CSMD1: variants seen among roughly 807,000 people sequenced by gnomAD.
The protein encoded by CSMD1 is CUB and sushi domain-containing protein 1.
A neutral mutation model predicts 417.5 loss-of-function variants in CSMD1; 213 were observed. The observed-to-expected ratio is 0.51, with a 90% confidence interval of 0.46 to 0.57. The LOEUF (loss-of-function observed/expected upper bound fraction) is 0.57. CSMD1 is among the 20% of genes least tolerant of loss of function. The pLI is 0.00. For synonymous variants in CSMD1, 2,862 were observed against 1,736.8 expected, an observed-to-expected ratio of 1.65 and a Z score of -16.11; for missense variants, 6,923 against 4,529.7, an observed-to-expected ratio of 1.53 and a Z score of -15.17.
At chr8:4,862,202 G>A (rs768047920) in intron 1 of CSMD1, among the ~76,000 whole-genome samples, 7 of 151,994 alleles carry the variant, frequency 4.6e-5, no homozygotes, top group African/African-American at 1.2e-4. Context: ...ACCTCAACGA[G>A]GCCTGGGGGG....
intron 1 of CSMD1, among the ~76,000 whole-genome samples, chr8:4,838,693 T>G (rs1238781653): frequency 1.3e-5 from 2 of 152,196 alleles, no homozygotes; most frequent in South Asian, 2.1e-4. Context: ...AGACCTTTAT[T>G]TGCAGAGGAC....
At chr8:3,814,258 C>A (rs937921954) in intron 5 of CSMD1, among the ~76,000 whole-genome samples, 1 of 152,172 alleles carries the variant, frequency 6.6e-6, no homozygotes, top group African/African-American at 2.4e-5. Context: ...CTTGCTTATA[C>A]TTAGTTCTGA....
intron 1 of CSMD1, among the ~76,000 whole-genome samples, chr8:4,904,166 T>G (rs1382264428): frequency 1.3e-5 from 2 of 152,172 alleles, no homozygotes; most frequent in African/African-American, 4.8e-5. Flanking sequence ...GTGTTCTACC[T>G]TCTTCAAATC....
intron 26 of CSMD1, among the ~76,000 whole-genome samples, chr8:3,237,028 ACCTGCGCTGC>A (rs1457444876): frequency 6.6e-6 from 1 of 151,932 alleles, no homozygotes; most frequent in East Asian, 1.9e-4. Flanking sequence ...GCAACAAAGA[ACCTGCGCTGC>A]CCTTCACAAA....
At chr8:3,726,276 T>C (rs957437835) in intron 6 of CSMD1, among the ~76,000 whole-genome samples, 1 of 152,194 alleles carries the variant, frequency 6.6e-6, no homozygotes, top group Admixed American at 6.5e-5. Context: ...AGGCTGCACA[T>C]CGTCTCCCTT....
intron 2 of CSMD1, among the ~76,000 whole-genome samples, chr8:4,481,110 T>C (rs1368672039): frequency 6.6e-6 from 1 of 152,236 alleles, no homozygotes; most frequent in African/African-American, 2.4e-5. Flanking sequence ...ACTCCAGCCT[T>C]ATTTACAATG....
Position 2,986,641 on chromosome 8 carries a change from A to G in CSMD1, c.8378-7841T>C, listed in dbSNP as rs144613462. 6.0e-3 allele frequency among the ~76,000 whole-genome samples: 915 copies of G among 152,088 alleles called. 8 individuals are homozygous for G. Among genetic ancestry groups the G allele is most frequent in the African/African-American group, 0.021 (867 of 41,474 alleles). On this transcript the variant is annotated intron_variant, in intron 54 of 69. Transcript: ENST00000635120. ...TGCCTCAGTCTCCCGAGTAGGTGGG[A>G]CTACAGGTGCCCACCACCACGCCCA...
intron 3 of CSMD1, among the ~76,000 whole-genome samples, chr8:4,245,571 G>C (rs149239762): frequency 1.3e-5 from 2 of 152,184 alleles, no homozygotes; most frequent in East Asian, 3.9e-4. Flanking sequence ...GAGGAAATGT[G>C]AGTTCACAAT....
chr8:4,254,885 G>C (rs1803344301), intron 3 of CSMD1, among the ~76,000 whole-genome samples: 2 of 152,106 alleles, frequency 1.3e-5, no homozygotes, highest in African/African-American at 2.4e-5. Context: ...CACAAACAAA[G>C]ATGAAATTTC....
At chr8:2,964,349 T>G (rs560045444) in intron 59 of CSMD1, among the ~76,000 whole-genome samples, 5 of 152,188 alleles carry the variant, frequency 3.3e-5, no homozygotes, top group Admixed American at 6.5e-5. Flanking sequence ...CAACAAATCC[T>G]TCCTGAGACC....
chr8:4,777,426 T>C (rs1408446787), intron 1 of CSMD1, among the ~76,000 whole-genome samples: 1 of 152,138 alleles, frequency 6.6e-6, no homozygotes, highest in Non-Finnish European at 1.5e-5. Context: ...AAGAACATTC[T>C]CCCTTAGGTC....
intron 1 of CSMD1, among the ~76,000 whole-genome samples, chr8:4,801,628 T>A (rs1384875978): frequency 6.6e-6 from 1 of 152,192 alleles, no homozygotes; most frequent in Non-Finnish European, 1.5e-5. Context: ...ACACTCTGGA[T>A]TCTGAAACCA....
At position 4,158,332 on chromosome 8, in the gene CSMD1, G is replaced by A. The variant is rs1796952795; in HGVS notation, c.416-126233C>T. On this transcript the variant is annotated intron_variant, in intron 3 of 69. Transcript: ENST00000635120. Reference sequence around the variant, plus strand: ...GAGGAAGGATGCAATCATCTCTACTGCAAAAATACATTGCAAAGAAAACCC... The same window carrying A: ...GAGGAAGGATGCAATCATCTCTACTACAAAAATACATTGCAAAGAAAACCC... Among the ~76,000 whole-genome samples the A allele has an allele frequency of 2.0e-5, 3 of 151,848 alleles. No individual in the cohort carries two copies. The South Asian group carries it at 6.2e-4, about 32-fold the overall frequency.
At chr8:4,235,664 G>A (rs183557531) in intron 3 of CSMD1, among the ~76,000 whole-genome samples, 3 of 152,196 alleles carry the variant, frequency 2.0e-5, no homozygotes, top group South Asian at 2.1e-4. Flanking sequence ...CTTTTAAAAT[G>A]GGTCAGCCTG....
chr8:4,831,204 C>G (rs1005957616), intron 1 of CSMD1, among the ~76,000 whole-genome samples: 2 of 152,156 alleles, frequency 1.3e-5, no homozygotes, highest in African/African-American at 4.8e-5. Flanking sequence ...TGGCAGATGT[C>G]CTTTCATTTT....
At chr8:4,191,831 G>T (rs530775644) in intron 3 of CSMD1, among the ~76,000 whole-genome samples, 1 of 150,992 alleles carries the variant, frequency 6.6e-6, no homozygotes, top group Non-Finnish European at 1.5e-5. Context: ...TTTACAATAT[G>T]AGTCAGCAAA....
intron 5 of CSMD1, among the ~76,000 whole-genome samples, chr8:3,809,933 C>T (rs1342530789): frequency 6.6e-6 from 1 of 152,182 alleles, no homozygotes; most frequent in East Asian, 1.9e-4. Flanking sequence ...ACTTCATATA[C>T]AACCAACATT....
chr8:3,058,541 G>T (rs1812387228), intron 49 of CSMD1, among the ~76,000 whole-genome samples: 1 of 152,228 alleles, frequency 6.6e-6, no homozygotes, highest in East Asian at 1.9e-4. Flanking sequence ...GCTAAGACAG[G>T]AAAAAATACA....
intron 6 of CSMD1, among the ~76,000 whole-genome samples, chr8:3,735,990 G>T (rs548608674): frequency 1.1e-4 from 16 of 152,016 alleles, no homozygotes; most frequent in Non-Finnish European, 2.1e-4. Context: ...ATGGTTTTCA[G>T]TGGGAATAAG....
Sources: gnomAD v4.1 joint callset for allele counts (sites outside exome capture counted in the v4.1 genomes callset) on GRCh38, gnomAD v4.1.1 for gene constraint, MANE v1.5 for transcripts, NCBI Gene and HGNC (gene_info 2026-07-23, HGNC 2026-07-21) for gene names.